The following CTNND2 variants were observed in gnomAD, a reference collection of about 807,000 sequenced individuals.
The protein encoded by CTNND2 is catenin delta-2.
In CTNND2, 22 loss-of-function variants were observed where a neutral mutation model predicts 144.4. That is an observed-to-expected ratio of 0.15 (90% CI 0.11 to 0.22). The LOEUF (loss-of-function observed/expected upper bound fraction) is 0.22. Ranked by LOEUF, CTNND2 falls within the 10% of genes least tolerant of loss-of-function variation. CTNND2 has a pLI of 1.00. For missense variants in CTNND2, 1,353 were observed against 1,618.8 expected (o/e 0.84, Z 2.82); for synonymous variants, 751 against 695.6 (o/e 1.08, Z -1.25).
chr5:11,820,363 T>C (rs557538289), intron 1 of CTNND2, among the ~76,000 whole-genome samples: 1 of 152,272 alleles, frequency 6.6e-6, no homozygotes, highest in East Asian at 1.9e-4. Context: ...GGCTCAAACT[T>C]AGAAGAAGAA....
At chr5:11,412,157 G>T (rs2149838570) in intron 3 of CTNND2, 88 bp from the exon 4 acceptor site, 1 of 938,448 alleles carries the variant, frequency 1.1e-6, no homozygotes, top group Non-Finnish European at 1.7e-6. Flanking sequence ...GCATATTAGG[G>T]TAGTAACAGT....
chr5:11,156,156 G>A (rs1414503167), intron 12 of CTNND2, among the ~76,000 whole-genome samples: 2 of 152,200 alleles, frequency 1.3e-5, no homozygotes, highest in Non-Finnish European at 2.9e-5. Flanking sequence ...AGACAGAATA[G>A]TGTCACATTG....
chr5:11,591,959 A>G (rs1424889516), intron 2 of CTNND2, among the ~76,000 whole-genome samples: 2 of 152,058 alleles, frequency 1.3e-5, no homozygotes, highest in Admixed American at 1.3e-4. Context: ...TGGTAGCTGA[A>G]AATGTAGTTC....
At chr5:11,296,907 A>G (rs1349654595) in intron 9 of CTNND2, among the ~76,000 whole-genome samples, 1 of 152,214 alleles carries the variant, frequency 6.6e-6, no homozygotes, top group African/African-American at 2.4e-5. Context: ...TGGGCGCAGC[A>G]CACCAACATG....
intron 18 of CTNND2, among the ~76,000 whole-genome samples, chr5:11,005,144 G>A (rs1188550381): frequency 2.6e-5 from 4 of 152,200 alleles, no homozygotes; most frequent in Admixed American, 6.5e-5. Context: ...CAGGATTGGA[G>A]GCAGAGAAGG....
intron 2 of CTNND2, among the ~76,000 whole-genome samples, chr5:11,725,726 T>C (rs1311292875): frequency 6.6e-6 from 1 of 152,230 alleles, no homozygotes; most frequent in Non-Finnish European, 1.5e-5. Context: ...TGAGGAAATG[T>C]TTCACATGTA....
chr5:11,302,626 A>G (rs565563194), intron 9 of CTNND2, among the ~76,000 whole-genome samples: 9 of 152,322 alleles, frequency 5.9e-5, no homozygotes, highest in African/African-American at 2.2e-4. Context: ...CCAGGTCTCC[A>G]GTGATGCTTC....
intron 16 of CTNND2, among the ~76,000 whole-genome samples, chr5:11,075,825 G>A (rs1748887760): frequency 6.6e-6 from 1 of 152,222 alleles, no homozygotes. Flanking sequence ...CTGGATTTGA[G>A]AGAGCATCTA....
chr5:11,457,605 T>C (rs1765846731), intron 3 of CTNND2, among the ~76,000 whole-genome samples: 1 of 152,240 alleles, frequency 6.6e-6, no homozygotes, highest in Non-Finnish European at 1.5e-5. Flanking sequence ...TGTATACTCC[T>C]TGATTCTTCA....
At chr5:11,382,258 C>T (rs114365066) in intron 7 of CTNND2, among the ~76,000 whole-genome samples, 1 of 152,142 alleles carries the variant, frequency 6.6e-6, no homozygotes, top group Non-Finnish European at 1.5e-5. Context: ...GATTTCTTAT[C>T]CCTAGGATCT....
intron 3 of CTNND2, among the ~76,000 whole-genome samples, chr5:11,560,747 G>A (rs953764539): frequency 6.6e-6 from 1 of 152,180 alleles, no homozygotes; most frequent in Non-Finnish European, 1.5e-5. Flanking sequence ...TAGATCCATA[G>A]GCAGAGGTAA....
intron 3 of CTNND2, among the ~76,000 whole-genome samples, chr5:11,532,292 T>C (rs889472622): frequency 3.3e-5 from 5 of 150,978 alleles, no homozygotes; most frequent in Non-Finnish European, 7.4e-5. Context: ...CCCTCCTTTT[T>C]CTCCAAACCC....
intron 2 of CTNND2, among the ~76,000 whole-genome samples, chr5:11,681,295 C>T (rs1057366452): frequency 2.0e-5 from 3 of 152,154 alleles, no homozygotes; most frequent in Admixed American, 1.3e-4. Flanking sequence ...AGAACTGAAC[C>T]GTGTCCACAG....
intron 3 of CTNND2, among the ~76,000 whole-genome samples, chr5:11,474,763 C>T (rs1236266155): frequency 6.6e-6 from 1 of 152,208 alleles, no homozygotes; most frequent in African/African-American, 2.4e-5. Flanking sequence ...TATATGCATT[C>T]AAACTGAGCC....
chr5:11,346,596 G>C lies in CTNND2; in HGVS notation c.1404C>G (p.Pro468=). Residue 468 remains proline, a synonymous_variant, in exon 9 of 22, where the codon CCC becomes CCG. Transcript: ENST00000304623. ...APSSPGVDSV[P]LQRTGSQHGP... ...CGTGCTGGCTGCCTGTGCGCTGCAA[G>C]GGGACGGAGTCGACACCAGGGGAAG... 3 of 1,567,980 alleles carry C rather than the reference G, an allele frequency of 1.9e-6. No homozygotes were observed. The highest frequency in any genetic ancestry group is 2.6e-6 in the Non-Finnish European group (3 of 1,156,154).
At chr5:11,605,448 AAGAT>A (rs1779998320) in intron 2 of CTNND2, among the ~76,000 whole-genome samples, 1 of 152,222 alleles carries the variant, frequency 6.6e-6, no homozygotes, top group Admixed American at 6.5e-5. Context: ...GTCTGGTAAA[AAGAT>A]AGAGCCTTTG....
Position 11,249,789 on chromosome 5 carries a change from CA to C in CTNND2, c.1629-12967del, listed in dbSNP as rs960366295. Among the ~76,000 whole-genome samples, 136 of 133,188 alleles carry C rather than the reference CA, an allele frequency of 1.0e-3. 3 individuals are homozygous for C. The South Asian group carries it at 0.026, about 25-fold the overall frequency. The allele number at this position is 133,188 out of a possible 152,430, so 87.4% of individuals were successfully genotyped here. On this transcript the variant is annotated intron_variant, in intron 9 of 21. Transcript: ENST00000304623. ...GCCGCTAGAATAGTACAAAAACAAACAAAAAAAAAACCAAAAATCTAAAGCC... is the reference window on the plus strand; with the variant it reads ...GCCGCTAGAATAGTACAAAAACAAACAAAAAAAAACCAAAAATCTAAAGCC...
At chr5:11,832,073 A>G (rs993712433) in intron 1 of CTNND2, among the ~76,000 whole-genome samples, 11 of 151,836 alleles carry the variant, frequency 7.2e-5, no homozygotes, top group African/African-American at 2.7e-4. Context: ...CATGAGGTCA[A>G]GAGATCGAGA....
intron 3 of CTNND2, among the ~76,000 whole-genome samples, chr5:11,558,026 T>C (rs1776367981): frequency 6.6e-6 from 1 of 152,158 alleles, no homozygotes; most frequent in African/African-American, 2.4e-5. Flanking sequence ...GACAGAGGAA[T>C]TATTTCAATA....
Sources: gnomAD v4.1 joint callset for allele counts (sites outside exome capture counted in the v4.1 genomes callset) on GRCh38, gnomAD v4.1.1 for gene constraint, MANE v1.5 for transcripts, NCBI Gene and HGNC (gene_info 2026-07-23, HGNC 2026-07-21) for gene names.